The following PARD3 variants were observed in gnomAD, a reference collection of about 807,000 sequenced individuals.
The protein encoded by PARD3 is par-3 family cell polarity regulator.
A neutral mutation model predicts 155.4 loss-of-function variants in PARD3; 75 were observed. That is an observed-to-expected ratio of 0.48 (90% CI 0.40 to 0.58). The LOEUF is 0.58. PARD3 is among the 20% of genes least tolerant of loss of function. The pLI, the probability that PARD3 is intolerant of heterozygous loss-of-function variation, is 0.00. For missense variants in PARD3, 1,642 were observed against 1,721.7 expected (o/e 0.95, Z 0.82); for synonymous variants, 576 against 610.5 (o/e 0.94, Z 0.83).
chr10:34,281,638 T>G (rs767950812), intron 21 of PARD3, among the ~76,000 whole-genome samples: 6 of 152,112 alleles, frequency 3.9e-5, no homozygotes, highest in Non-Finnish European at 8.8e-5. Context: ...TGGACCCGGC[T>G]CAGAACAATC....
At chr10:34,216,311 C>G (rs540508293) in intron 22 of PARD3, among the ~76,000 whole-genome samples, 1 of 152,308 alleles carries the variant, frequency 6.6e-6, no homozygotes, top group African/African-American at 2.4e-5. Context: ...ACTGGATGAT[C>G]TCTTTGGAAA....
At chr10:34,715,327 C>G (rs894385694) in intron 1 of PARD3, among the ~76,000 whole-genome samples, 1 of 152,138 alleles carries the variant, frequency 6.6e-6, no homozygotes, top group African/African-American at 2.4e-5. Flanking sequence ...ATCCTCCTGC[C>G]TCGGATTCCC....
intron 1 of PARD3, among the ~76,000 whole-genome samples, chr10:34,779,263 G>A (rs185460621): frequency 6.6e-6 from 1 of 152,028 alleles, no homozygotes; most frequent in African/African-American, 2.4e-5. Flanking sequence ...CCAAGATCAT[G>A]CCACTGCACT....
intron 5 of PARD3, among the ~76,000 whole-genome samples, chr10:34,440,967 A>G: frequency 6.6e-6 from 1 of 152,224 alleles, no homozygotes; most frequent in East Asian, 1.9e-4. Context: ...GGAAGCAGAC[A>G]TAGAGATTAA....
At chr10:34,343,477 C>G in intron 15 of PARD3, 1 of 983,858 alleles carries the variant, frequency 1.0e-6, no homozygotes, top group Non-Finnish European at 1.2e-6. Flanking sequence ...GGCAAGAAAT[C>G]TTCCTCATAG....
intron 4 of PARD3, among the ~76,000 whole-genome samples, chr10:34,451,309 A>G (rs990068949): frequency 1.3e-5 from 2 of 152,180 alleles, no homozygotes; most frequent in African/African-American, 4.8e-5. Context: ...CATCTCCTAT[A>G]AGAACAAAGT....
intron 9 of PARD3, among the ~76,000 whole-genome samples, chr10:34,379,950 A>T (rs1328373342): frequency 6.6e-6 from 1 of 152,056 alleles, no homozygotes; most frequent in Non-Finnish European, 1.5e-5. Flanking sequence ...TTGTACTAAG[A>T]GTTGATTCCA....
At position 34,196,817 on chromosome 10, in the gene PARD3, C is replaced by T. The variant is rs530424018; in HGVS notation, c.3420-65234G>A. ...CTCTATCTCCTGACCTCATGATCCGCCCACCTTGGCCTCCCAGAGTGCCCT... is the reference window on the plus strand; with the variant it reads ...CTCTATCTCCTGACCTCATGATCCGTCCACCTTGGCCTCCCAGAGTGCCCT... On this transcript the variant is annotated intron_variant, in intron 22 of 24. Transcript: ENST00000374788. 3.9e-5 allele frequency among the ~76,000 whole-genome samples: 6 copies of T among 152,042 alleles called. No homozygotes were observed. The East Asian group carries it at 1.2e-3, about 29-fold the overall frequency.
At chr10:34,261,829 C>G (rs113930850) in intron 22 of PARD3, among the ~76,000 whole-genome samples, 20,258 of 123,972 alleles carry the variant, frequency 0.16, 1,789 homozygotes, top group Non-Finnish European at 0.19. Flanking sequence ...AAGAAAGAAA[C>G]AAACAAACAA....
At chr10:34,618,472 A>C (rs1219085698) in intron 2 of PARD3, among the ~76,000 whole-genome samples, 1 of 152,196 alleles carries the variant, frequency 6.6e-6, no homozygotes, top group Admixed American at 6.5e-5. Context: ...CAACAGTGGC[A>C]AAGTAAGTCA....
At chr10:34,577,991 A>AC (rs1436320942) in intron 2 of PARD3, among the ~76,000 whole-genome samples, 1 of 151,660 alleles carries the variant, frequency 6.6e-6, no homozygotes, top group Non-Finnish European at 1.5e-5. Context: ...AGCTGGGACT[A>AC]CAGGAACATG....
chr10:34,410,431 T>C (rs1844934999), intron 5 of PARD3, among the ~76,000 whole-genome samples: 1 of 152,146 alleles, frequency 6.6e-6, no homozygotes, highest in Admixed American at 6.6e-5. Context: ...CGGGTAAACA[T>C]ATCATCATTT....
chr10:34,815,076 G>C lies in PARD3; in HGVS notation c.-81C>G. ...GAGGCCGGGACCGAGGACGCTGGGC[G>C]CGGAGGAGCCGCTGGGGACTCGGGC... On this transcript the variant is annotated 5_prime_UTR_variant, in exon 1 of 25. Transcript: ENST00000374788. The C allele has an allele frequency of 9.7e-7, 1 of 1,033,756 alleles. No individual in the cohort carries two copies. 64.0% of individuals were successfully genotyped at this position (1,033,756 alleles called of 1,614,324 possible). A position where few individuals can be genotyped will look rare whatever the true frequency, so the allele number is the denominator to read the frequency against.
chr10:34,658,517 T>G (rs947133731), intron 2 of PARD3, among the ~76,000 whole-genome samples: 2 of 151,846 alleles, frequency 1.3e-5, no homozygotes, highest in African/African-American at 4.8e-5. Context: ...GAGGAGAAGA[T>G]GCTGGGGGCT....
At chr10:34,371,529 A>C (rs866276878) in intron 12 of PARD3, among the ~76,000 whole-genome samples, 1 of 66,994 alleles carries the variant, frequency 1.5e-5, no homozygotes, top group Non-Finnish European at 2.5e-5. Flanking sequence ...AAAAAAAAAA[A>C]AAACAACGAA....
intron 1 of PARD3, among the ~76,000 whole-genome samples, chr10:34,795,754 C>T (rs1842178811): frequency 6.6e-6 from 1 of 151,946 alleles, no homozygotes; most frequent in Non-Finnish European, 1.5e-5. Context: ...ATCAGTCAGG[C>T]GTGGTGGTGC....
intron 1 of PARD3, among the ~76,000 whole-genome samples, chr10:34,721,481 TC>T (rs1182884912): frequency 6.6e-6 from 1 of 151,986 alleles, no homozygotes; most frequent in African/African-American, 2.4e-5. Context: ...GACCCTCTCC[TC>T]CAACCCCATA....
intron 2 of PARD3, among the ~76,000 whole-genome samples, chr10:34,572,327 T>G (rs1432062482): frequency 6.6e-6 from 1 of 151,926 alleles, no homozygotes; most frequent in Non-Finnish European, 1.5e-5. Context: ...GGCAACACAG[T>G]GAGACCCTGT....
chr10:34,782,322 C>T (rs1279948785), intron 1 of PARD3, among the ~76,000 whole-genome samples: 1 of 152,108 alleles, frequency 6.6e-6, no homozygotes, highest in African/African-American at 2.4e-5. Flanking sequence ...CTCCACTGGG[C>T]GCTGGAGCAA....
Sources: gnomAD v4.1 joint callset for allele counts (sites outside exome capture counted in the v4.1 genomes callset) on GRCh38, gnomAD v4.1.1 for gene constraint, MANE v1.5 for transcripts, NCBI Gene and HGNC (gene_info 2026-07-23, HGNC 2026-07-21) for gene names.